Variants in PAPOLA observed in about 807,000 individuals in gnomAD.
PAPOLA encodes the protein poly(A) polymerase alpha.
In PAPOLA, 15 loss-of-function variants were observed where a neutral mutation model predicts 100.6. That is an observed-to-expected ratio of 0.15 (90% CI 0.10 to 0.23). The LOEUF (loss-of-function observed/expected upper bound fraction) is 0.23. PAPOLA is among the 10% of genes least tolerant of loss of function. The pLI, the probability that PAPOLA is intolerant of heterozygous loss-of-function variation, is 1.00. For missense variants in PAPOLA, 533 were observed against 884.2 expected (o/e 0.60, Z 5.04); for synonymous variants, 293 against 300.0 (o/e 0.98, Z 0.24).
In PAPOLA at chr14:96,543,092, A is replaced by AT. The variant is rs144181999; in HGVS notation, c.1289+207dup. On this transcript the variant is annotated intron_variant, in intron 14 of 21. Transcript: ENST00000216277. ...TGTTTCGTGAGAAAAATCAGCACAC[A>AT]TTTTTTTTCTGATAATATTCTTCCA... Among the ~76,000 whole-genome samples the AT allele has an allele frequency of 1.9e-3, 285 of 151,816 alleles. 1 individual carries two copies. Among genetic ancestry groups the AT allele is most frequent in the African/African-American group, 6.6e-3 (275 of 41,434 alleles).
chr14:96,508,332 T>A (rs1215770133), intron 1 of PAPOLA, among the ~76,000 whole-genome samples: 1 of 152,228 alleles, frequency 6.6e-6, no homozygotes, highest in Non-Finnish European at 1.5e-5. Context: ...AGATTTTGAT[T>A]CTCAGATTTT....
intron 1 of PAPOLA, among the ~76,000 whole-genome samples, chr14:96,504,043 C>G (rs2140212370): frequency 6.6e-6 from 1 of 152,224 alleles, no homozygotes; most frequent in African/African-American, 2.4e-5. Flanking sequence ...ATTGATTTTT[C>G]CCTTTCATAG....
At chr14:96,509,043 T>C (rs893387754) in intron 1 of PAPOLA, among the ~76,000 whole-genome samples, 3 of 152,192 alleles carry the variant, frequency 2.0e-5, no homozygotes, top group African/African-American at 7.2e-5. Context: ...GGAGTCTTTA[T>C]TTATTTTTGA....
Position 96,552,555 on chromosome 14 carries a change from A to G in PAPOLA, c.1597A>G (p.Met533Val). 3 of 1,613,916 alleles carry G rather than the reference A, an allele frequency of 1.9e-6. No individual in the cohort carries two copies. The highest frequency in any genetic ancestry group is 2.5e-6 in the Non-Finnish European group (3 of 1,179,764). ...CTTGTCTATGGACAGTGATAACAGCATGTCTGTGCCTTCACCTACTAGTGC... is the reference window on the plus strand; with the variant it reads ...CTTGTCTATGGACAGTGATAACAGCGTGTCTGTGCCTTCACCTACTAGTGC... ...LDLSMDSDNS[M>V]SVPSPTSATK... is the part of the protein sequence containing the mutation. The change falls in exon 17 of 22, where the codon ATG (methionine) becomes GTG (valine). Residue 533 changes from methionine to valine, a missense_variant. Physicochemically the swap from Met to Val is conservative, Grantham distance 21 (BLOSUM62 1). Around this residue, in one of 9 missense-constraint regions of PAPOLA, gnomAD observed 242 missense variants for 281.0 expected, o/e 0.86. Transcript: ENST00000216277.
intron 1 of PAPOLA, among the ~76,000 whole-genome samples, chr14:96,511,310 C>T (rs1897093677): frequency 6.6e-6 from 1 of 152,018 alleles, no homozygotes; most frequent in Non-Finnish European, 1.5e-5. Flanking sequence ...CCCGTAATCC[C>T]AGCACTTTGG....
At chr14:96,520,958 A>G in intron 2 of PAPOLA, 48 bp from the exon 3 acceptor site, 1 of 875,184 alleles carries the variant, frequency 1.1e-6, no homozygotes, top group Non-Finnish European at 1.9e-6. Context: ...TAAGAAATTT[A>G]ATCAGTAATG....
At chr14:96,545,647 T>C (rs571379281) in intron 15 of PAPOLA, among the ~76,000 whole-genome samples, 2 of 152,232 alleles carry the variant, frequency 1.3e-5, no homozygotes, top group South Asian at 4.1e-4. Flanking sequence ...TAGGTTTTTT[T>C]GTCTTTAGGA....
intron 10 of PAPOLA, chr14:96,534,790 C>T: frequency 7.8e-7 from 1 of 1,284,868 alleles, no homozygotes; most frequent in Non-Finnish European, 9.9e-7. Flanking sequence ...GTTTTTAATA[C>T]AGATTTTACT....
chr14:96,544,326 C>A, intron 15 of PAPOLA, 68 bp downstream of exon 15: 1 of 724,468 alleles, frequency 1.4e-6, no homozygotes, highest in Non-Finnish European at 2.4e-6. Context: ...TGATGCATAC[C>A]ATAGTGATAT....
At chr14:96,502,773 C>T (rs202016965) in intron 1 of PAPOLA, 173 bp downstream of exon 1, 53 of 63,328 alleles carry the variant, frequency 8.4e-4, no homozygotes, top group African/African-American at 3.5e-3. Flanking sequence ...CGCCGCACTT[C>T]CCCCCGTGTG....
intron 1 of PAPOLA, among the ~76,000 whole-genome samples, chr14:96,516,171 C>T (rs1897446275): frequency 6.6e-6 from 1 of 152,150 alleles, no homozygotes; most frequent in Non-Finnish European, 1.5e-5. Context: ...CTACTTTGGA[C>T]GTTTGAAACA....
chr14:96,564,827 T>C (rs1902149603), intron 21 of PAPOLA, 128 bp from the exon 22 acceptor site: 1 of 592,306 alleles, frequency 1.7e-6, no homozygotes, highest in Non-Finnish European at 3.1e-6. Context: ...GACAACATTA[T>C]AGAGTTTTTA....
chr14:96,531,859 A>G lies in PAPOLA; in HGVS notation c.607+273A>G, dbSNP rs980656101. On this transcript the variant is annotated intron_variant, in intron 7 of 21. Coordinates refer to ENST00000216277, the MANE Select transcript of PAPOLA (RefSeq NM_032632.5). ...TTTTGTACTCTGTTGCTAGTGATTT[A>G]GGTTTCATGGCCTAACCCAAATTAA... 6.2e-5 allele frequency: 86 copies of G among 1,387,998 alleles called. 1 individual carries two copies. Among genetic ancestry groups the G allele is most frequent in the Non-Finnish European group, 6.3e-5 (68 of 1,079,664 alleles). The allele number at this position is 1,387,998 out of a possible 1,614,324, so 86.0% of individuals were successfully genotyped here.
chr14:96,545,079 C>A (rs1900279806), intron 15 of PAPOLA, among the ~76,000 whole-genome samples: 1 of 152,082 alleles, frequency 6.6e-6, no homozygotes, highest in Admixed American at 6.6e-5. Flanking sequence ...CTCGCAGATA[C>A]TGTCCTTCTC....
rs139054441 is a variant in PAPOLA, at chr14:96,505,313, A to G, written c.8+2713A>G. 4.1e-3 allele frequency among the ~76,000 whole-genome samples: 618 copies of G among 152,286 alleles called. 3 individuals are homozygous for G. Among genetic ancestry groups the G allele is most frequent in the African/African-American group, 0.014 (586 of 41,562 alleles). Reference sequence around the variant, plus strand: ...CAAAAATGTCTCCAGATATTACCAGATGTGCCCTGGGGTGCAAAATCTGGT... The same window carrying G: ...CAAAAATGTCTCCAGATATTACCAGGTGTGCCCTGGGGTGCAAAATCTGGT... On this transcript the variant is annotated intron_variant, in intron 1 of 21. Coordinates refer to ENST00000216277, the MANE Select transcript of PAPOLA (RefSeq NM_032632.5).
chr14:96,531,787 T>A (rs1459389954), intron 7 of PAPOLA: 1 of 1,439,192 alleles, frequency 6.9e-7, no homozygotes, highest in Admixed American at 2.9e-5. Context: ...ACTGTATTTC[T>A]TCTGTCATTA....
At chr14:96,534,220 C>G (rs1899321047) in intron 9 of PAPOLA, 5 of 1,247,950 alleles carry the variant, frequency 4.0e-6, no homozygotes, top group Non-Finnish European at 5.0e-6. Context: ...GATGGTACTT[C>G]TTTATTTAAA....
intron 4 of PAPOLA, chr14:96,526,626 A>C (rs1898508158): frequency 6.5e-6 from 1 of 153,144 alleles, no homozygotes; most frequent in East Asian, 1.9e-4. Context: ...ATGAGCCACC[A>C]CGCCCAGCTG....
chr14:96,550,001 T>C (rs1900711864), intron 16 of PAPOLA, among the ~76,000 whole-genome samples: 1 of 152,090 alleles, frequency 6.6e-6, no homozygotes. Flanking sequence ...AAAAAATTTT[T>C]TTGAGAATGG....
Sources: allele counts gnomAD v4.1 joint callset (sites outside exome capture counted in the v4.1 genomes callset), GRCh38; gene constraint gnomAD v4.1.1; regional missense constraint gnomAD v4.1.1; transcripts MANE v1.5; gene names NCBI Gene and HGNC (gene_info 2026-07-23, HGNC 2026-07-21).